SLC4A9: variants seen among roughly 807,000 people sequenced by gnomAD.
SLC4A9 encodes anion exchange protein 4.
In SLC4A9, 102 loss-of-function variants were observed where a neutral mutation model predicts 103.2. That is an observed-to-expected ratio of 0.99 (90% CI 0.84 to 1.17). The LOEUF (loss-of-function observed/expected upper bound fraction) is 1.17, where lower values mean the gene tolerates loss of function less well. Among genes scored for constraint, SLC4A9 ranks in the 50% most tolerant of loss-of-function variants. SLC4A9 has a pLI of 0.00. For missense variants in SLC4A9, 1,091 were observed against 1,193.7 expected (o/e 0.91, Z 1.27); for synonymous variants, 453 against 483.6 (o/e 0.94, Z 0.83).
At chr5:140,371,893 T>A (rs906142848) in intron 19 of SLC4A9, among the ~76,000 whole-genome samples, 1 of 152,236 alleles carries the variant, frequency 6.6e-6, no homozygotes, top group South Asian at 2.1e-4. Flanking sequence ...ATCTGAGGTC[T>A]TGGTAGAGGA....
Position 140,372,792 on chromosome 5 carries a change from G to A in SLC4A9, c.2874G>A (p.Val958=), listed in dbSNP as rs764387711. ...AGGCTCCAGAAATCAACATTTCTGTGAATTAGCTGGAGTAGGAGTCTGGGA... is the reference window on the plus strand; with the variant it reads ...AGGCTCCAGAAATCAACATTTCTGTAAATTAGCTGGAGTAGGAGTCTGGGA... ...QPKAPEINIS[V]N is the part of the protein sequence containing the mutation. The change falls in exon 21 of 22, where the codon GTG becomes GTA. Residue 958 remains valine, a synonymous_variant. Transcript: ENST00000506757. 18 of 1,569,486 alleles carry A rather than the reference G, an allele frequency of 1.1e-5. No individual in the cohort carries two copies. The South Asian group carries it at 1.6e-4, about 14-fold the overall frequency.
At position 140,367,826 on chromosome 5, in the gene SLC4A9, C is replaced by G. The variant is rs1244649406; in HGVS notation, c.2282C>G (p.Ala761Gly). 1 of 1,614,010 alleles carries G rather than the reference C, an allele frequency of 6.2e-7. No homozygotes were observed. Among genetic ancestry groups the G allele is most frequent in the Non-Finnish European group, 8.5e-7 (1 of 1,179,902 alleles). ...WYVSATVISL[A>G]HMDSLRRESR... Reference sequence around the variant, plus strand: ...GTCTCAGCCACTGTCATCTCCCTGGCTCACATGGACAGTCTTCGGAGAGAG... The same window carrying G: ...GTCTCAGCCACTGTCATCTCCCTGGGTCACATGGACAGTCTTCGGAGAGAG... The change falls in exon 16 of 22, where the codon GCT becomes GGT. Residue 761 changes from alanine to glycine, a missense_variant. Physicochemically the swap from Ala to Gly is moderately conservative, Grantham distance 60. Coordinates refer to ENST00000506757, the MANE Select transcript of SLC4A9 (RefSeq NM_031467.3).
At chr5:140,371,044 T>C (rs1021133368) in intron 17 of SLC4A9, 51 bp from the exon 18 acceptor site, 7 of 1,550,490 alleles carry the variant, frequency 4.5e-6, no homozygotes, top group Non-Finnish European at 6.2e-6. Context: ...CTGGGGCATC[T>C]GGGAGGTTGG....
intron 17 of SLC4A9, among the ~76,000 whole-genome samples, chr5:140,370,521 T>C (rs560568824): frequency 2.6e-5 from 4 of 151,820 alleles, no homozygotes; most frequent in Non-Finnish European, 4.4e-5. Flanking sequence ...AGGATAACTT[T>C]AGATAGTGAT....
chr5:140,364,501 C>G lies in SLC4A9; in HGVS notation c.1527C>G (p.Ala509=). The G allele has an allele frequency of 6.2e-7, 1 of 1,611,434 alleles. No homozygotes were observed. The highest frequency in any genetic ancestry group is 8.5e-7 in the Non-Finnish European group (1 of 1,178,690). The stretch of plus-strand genomic sequence containing the variant: ...GCTTCACTGAGGAAGGTTTCTGTGC[C>G]CTCATCAGCCTCATCTTCATCTACG... ...FTRFTEEGFC[A]LISLIFIYDA... The change falls in exon 11 of 22, where the codon GCC becomes GCG. Residue 509 remains alanine, a synonymous_variant. Transcript: ENST00000506757.
At chr5:140,368,724 G>T in intron 17 of SLC4A9, 65 bp downstream of exon 17, 1 of 1,383,448 alleles carries the variant, frequency 7.2e-7, no homozygotes, top group South Asian at 1.3e-5. Context: ...AGCAAGAACT[G>T]ACAGTAGTTG....
intron 5 of SLC4A9, 121 bp downstream of exon 5, chr5:140,362,295 T>C (rs1439134253): frequency 1.6e-6 from 2 of 1,287,328 alleles, no homozygotes; most frequent in South Asian, 1.4e-5. Context: ...TGCTCAGGGG[T>C]CTGGGGAGAG....
Position 140,367,911 on chromosome 5 carries a change from T to C in SLC4A9, c.2354+13T>C, listed in dbSNP as rs1340964402. The C allele has an allele frequency of 6.2e-7, 1 of 1,613,130 alleles. No homozygotes were observed. Among genetic ancestry groups the C allele is most frequent in the Non-Finnish European group, 8.5e-7 (1 of 1,179,510 alleles). On this transcript the variant is annotated intron_variant, in intron 16 of 21. Transcript: ENST00000506757. ...TCCTGGGTATCAGGTGAGGGCGGTA[T>C]TTAGGAAGTGGAGTAAGAGGTGGGC... is the stretch of plus-strand genomic sequence containing the variant.
chr5:140,368,982 G>A (rs1170278770), intron 17 of SLC4A9, among the ~76,000 whole-genome samples: 1 of 152,104 alleles, frequency 6.6e-6, no homozygotes, highest in African/African-American at 2.4e-5. Flanking sequence ...CATCCCCTAG[G>A]GTCTAAGTGC....
At position 140,361,293 on chromosome 5, in the gene SLC4A9, G is replaced by A. The variant is rs1465893099; in HGVS notation, c.431G>A (p.Arg144Lys). The A allele has an allele frequency of 1.9e-6, 3 of 1,572,238 alleles. No individual in the cohort carries two copies. Among genetic ancestry groups the A allele is most frequent in the Non-Finnish European group, 2.6e-6 (3 of 1,158,638 alleles). Residue 144 changes from arginine to lysine, a missense_variant, in exon 3 of 22, where the codon AGA becomes AAA. Arg to Lys is a conservative substitution (Grantham distance 26, BLOSUM62 2). Transcript: ENST00000506757. ...TRVESLSPEL[R>K]GQLQALLLQR... ...GTGGAGTCGCTGAGCCCAGAGCTGAGAGGGCAGTTGCAGGCCTTGCTGCTG... is the reference window on the plus strand; with the variant it reads ...GTGGAGTCGCTGAGCCCAGAGCTGAAAGGGCAGTTGCAGGCCTTGCTGCTG...
intron 3 of SLC4A9, 36 bp downstream of exon 3, chr5:140,361,403 TGGTGTG>T: frequency 1.3e-6 from 2 of 1,512,412 alleles, no homozygotes; most frequent in Non-Finnish European, 1.8e-6. Context: ...ACCAAGACCC[TGGTGTG>T]GCAGGGTCTC....
Position 140,363,101 on chromosome 5 carries a change from C to T in SLC4A9, c.962+35C>T. 6.3e-7 allele frequency: 1 copy of T among 1,599,572 alleles called. No individual in the cohort carries two copies. The highest frequency in any genetic ancestry group is 1.8e-5 in the Admixed American group (1 of 54,574). On this transcript the variant is annotated intron_variant, in intron 7 of 21. Transcript: ENST00000506757. The surrounding 1 kb of genome is among the most constrained non-coding windows in gnomAD (Gnocchi z 4.5). ...AGCCATCATCCCATACAGATTCCTG[C>T]CCATATAGGCCCTGGGTCTAATTCC...
chr5:140,363,027 G>T lies in SLC4A9; in HGVS notation c.923G>T (p.Arg308Leu). The change falls in exon 7 of 22, where the codon CGG (arginine) becomes CTG (leucine). Residue 308 changes from arginine (R) to leucine (L), a missense_variant. Physicochemically the swap from Arg to Leu is moderately radical, Grantham distance 102. Transcript: ENST00000506757. This position sits in a 1 kb window ranked among gnomAD's most constrained non-coding sequence, Gnocchi z 4.5. Reference sequence around the variant, plus strand: ...CCAGGTCGGTGGGACCCAACAGCCCGGATTCCCCCGCCCAAATGTCTGCCA... The same window carrying T: ...CCAGGTCGGTGGGACCCAACAGCCCTGATTCCCCCGCCCAAATGTCTGCCA... ...LPPGRWDPTA[R>L]IPPPKCLPSQ... 6.2e-7 allele frequency: 1 copy of T among 1,613,048 alleles called. No homozygotes were observed. The highest frequency in any genetic ancestry group is 8.5e-7 in the Non-Finnish European group (1 of 1,179,656).
chr5:140,366,342 A>G (rs913562477), intron 14 of SLC4A9, 78 bp downstream of exon 14: 3 of 949,490 alleles, frequency 3.2e-6, no homozygotes, highest in Non-Finnish European at 4.8e-6. Context: ...AAATGAATAA[A>G]TCCCACACTT....
intron 16 of SLC4A9, 92 bp from the exon 17 acceptor site, chr5:140,368,495 C>G (rs1335709300): frequency 9.6e-7 from 1 of 1,044,668 alleles, no homozygotes; most frequent in Non-Finnish European, 1.4e-6. Context: ...TCTCTTGCTG[C>G]CGGGGTCTGT....
rs557833280 is a variant in SLC4A9, at chr5:140,368,542, C to T, written c.2355-45C>T. On this transcript the variant is annotated intron_variant, in intron 16 of 21. Transcript: ENST00000506757. The stretch of plus-strand genomic sequence containing the variant: ...GCCAGGATCTCCAGTCTGGATACCC[C>T]AGGGACTCTCCCAGACCTCAGCTAA... 83 of 1,568,606 alleles carry T rather than the reference C, an allele frequency of 5.3e-5. 1 individual carries two copies. The South Asian group carries it at 6.1e-4, about 12-fold the overall frequency.
Position 140,372,405 on chromosome 5 carries a change from C to T in SLC4A9, c.2826+8C>T, listed in dbSNP as rs747790589. 6 of 1,608,872 alleles carry T rather than the reference C, an allele frequency of 3.7e-6. No individual in the cohort carries two copies. The highest frequency in any genetic ancestry group is 4.5e-5 in the East Asian group (2 of 44,752). On this transcript the variant is annotated splice_region_variant and intron_variant, in intron 20 of 21. Coordinates refer to ENST00000506757, the MANE Select transcript of SLC4A9 (RefSeq NM_031467.3). Reference sequence around the variant, plus strand: ...GGAAGTGACAGTGAAGATGTGAGCTCCAGGCTGGGTCCTCTCAGGAGAATG... The same window carrying T: ...GGAAGTGACAGTGAAGATGTGAGCTTCAGGCTGGGTCCTCTCAGGAGAATG...
In SLC4A9 at chr5:140,363,348, AGCCGCTAGGGGGCAGGGC is replaced by A; in HGVS notation, c.963-87_963-70del. On this transcript the variant is annotated intron_variant, in intron 7 of 21. Transcript: ENST00000506757. This position sits in a 1 kb window ranked among gnomAD's most constrained non-coding sequence, Gnocchi z 4.5. ...TTCCCTCGCCGGCAGAGACAAGAGC[AGCCGCTAGGGGGCAGGGC>A]GCCACGAGCTCTGGACCGAGTCGCA... 1 of 1,232,554 alleles carries A rather than the reference AGCCGCTAGGGGGCAGGGC, an allele frequency of 8.1e-7. No individual in the cohort carries two copies. The highest frequency in any genetic ancestry group is 1.1e-6 in the Non-Finnish European group (1 of 876,814). 76.4% of individuals were successfully genotyped at this position (1,232,554 alleles called of 1,614,324 possible). A position where few individuals can be genotyped will look rare whatever the true frequency, so the allele number is the denominator to read the frequency against.
chr5:140,370,335 G>T (rs781438935), intron 17 of SLC4A9, among the ~76,000 whole-genome samples: 1 of 151,364 alleles, frequency 6.6e-6, no homozygotes, highest in Admixed American at 6.6e-5. Context: ...GTGGTGGGGG[G>T]TGCCTATAAT....
Sources: allele counts gnomAD v4.1 joint callset (sites outside exome capture counted in the v4.1 genomes callset), GRCh38; gene constraint gnomAD v4.1.1; non-coding constraint Gnocchi (gnomAD v3.1); transcripts MANE v1.5; gene names NCBI Gene and HGNC (gene_info 2026-07-23, HGNC 2026-07-21).